The following ARHGEF28 variants were observed in gnomAD, a reference collection of about 807,000 sequenced individuals.
ARHGEF28 encodes 190 kDa guanine nucleotide exchange factor.
A neutral mutation model predicts 206.6 loss-of-function variants in ARHGEF28; 152 were observed. The ratio of observed to expected loss-of-function variants is 0.74; its 90% CI spans 0.64 to 0.84. ARHGEF28 has a LOEUF of 0.84. Ranked by LOEUF, ARHGEF28 falls within the 40% of genes least tolerant of loss-of-function variation. The pLI is 0.00. For synonymous variants in ARHGEF28, 763 were observed against 776.4 expected (o/e 0.98, Z 0.29); for missense variants, 2,028 against 2,073.2 (o/e 0.98, Z 0.42).
intron 2 of ARHGEF28, among the ~76,000 whole-genome samples, chr5:73,696,985 AG>A (rs1218180677): frequency 6.6e-6 from 1 of 152,230 alleles, no homozygotes; most frequent in Non-Finnish European, 1.5e-5. Context: ...TCCAGCAGGA[AG>A]GTGCTGTCAT....
At chr5:73,821,822 C>T (rs909480352) in intron 9 of ARHGEF28, among the ~76,000 whole-genome samples, 1 of 151,936 alleles carries the variant, frequency 6.6e-6, no homozygotes, top group Non-Finnish European at 1.5e-5. Context: ...TGAATATCTG[C>T]TTGATTGCTT....
chr5:73,919,449 C>T (rs1763397260), intron 35 of ARHGEF28, among the ~76,000 whole-genome samples: 1 of 152,198 alleles, frequency 6.6e-6, no homozygotes, highest in African/African-American at 2.4e-5. Context: ...TCTACTGGAA[C>T]AAGTTACGTA....
In ARHGEF28 at chr5:73,660,423, C is replaced by T. The variant is rs1171003356; in HGVS notation, c.-11-24418C>T. On this transcript the variant is annotated intron_variant, in intron 1 of 35. Transcript: ENST00000513042. ...CTCAAACCCTCATCCACGTCATCCA[C>T]GAGGGTTGGAATCAACTTCTTTCAA... Among the ~76,000 whole-genome samples the T allele has an allele frequency of 5.9e-5, 9 of 152,166 alleles. No homozygotes were observed. The South Asian group carries it at 6.2e-4, about 11-fold the overall frequency.
At chr5:73,868,703 G>A (rs1374044792) in intron 20 of ARHGEF28, among the ~76,000 whole-genome samples, 2 of 152,132 alleles carry the variant, frequency 1.3e-5, no homozygotes, top group African/African-American at 2.4e-5. Flanking sequence ...CTGGAGTGCA[G>A]TGGTATGATC....
chr5:73,791,442 T>A (rs1348314689), intron 7 of ARHGEF28, among the ~76,000 whole-genome samples: 1 of 152,216 alleles, frequency 6.6e-6, no homozygotes, highest in Non-Finnish European at 1.5e-5. Flanking sequence ...CCTGTAGATG[T>A]AAGCCAGTGG....
intron 4 of ARHGEF28, among the ~76,000 whole-genome samples, chr5:73,772,616 T>G (rs1464428161): frequency 6.6e-6 from 1 of 152,182 alleles, no homozygotes; most frequent in Non-Finnish European, 1.5e-5. Flanking sequence ...TGGGCTCAAG[T>G]GATCCTCCCG....
chr5:73,659,806 C>A (rs942010268), intron 1 of ARHGEF28, among the ~76,000 whole-genome samples: 25 of 152,042 alleles, frequency 1.6e-4, no homozygotes, highest in Non-Finnish European at 3.2e-4. Flanking sequence ...ATTAGGAATA[C>A]AATAGCACTA....
intron 4 of ARHGEF28, among the ~76,000 whole-genome samples, chr5:73,754,383 C>T (rs1317396560): frequency 1.3e-5 from 2 of 152,046 alleles, no homozygotes; most frequent in African/African-American, 4.8e-5. Context: ...AGTCCAGCAC[C>T]GAGCCATGCC....
intron 34 of ARHGEF28, 137 bp from the exon 35 acceptor site, chr5:73,911,134 GGGGA>G: frequency 3.6e-6 from 3 of 827,464 alleles, no homozygotes. Context: ...GTATGGGAGA[GGGGA>G]GGGAGAAAAG....
At chr5:73,714,965 A>G (rs924894346) in intron 2 of ARHGEF28, among the ~76,000 whole-genome samples, 2 of 152,084 alleles carry the variant, frequency 1.3e-5, no homozygotes, top group African/African-American at 4.8e-5. Context: ...TTAACTTAGG[A>G]AAAAAAAGGT....
intron 2 of ARHGEF28, among the ~76,000 whole-genome samples, chr5:73,719,836 G>A (rs994911104): frequency 6.6e-6 from 1 of 152,248 alleles, no homozygotes; most frequent in African/African-American, 2.4e-5. Flanking sequence ...GCAAGCCCTC[G>A]GTTGTGCCAC....
chr5:73,796,805 T>C (rs1321100758), intron 9 of ARHGEF28, among the ~76,000 whole-genome samples: 1 of 152,174 alleles, frequency 6.6e-6, no homozygotes, highest in East Asian at 1.9e-4. Flanking sequence ...CAAACATCTC[T>C]GTATAGATGG....
At chr5:73,842,801 G>A (rs898334362) in intron 11 of ARHGEF28, among the ~76,000 whole-genome samples, 2 of 151,992 alleles carry the variant, frequency 1.3e-5, no homozygotes, top group African/African-American at 4.8e-5. Flanking sequence ...CGGCCAACAC[G>A]GTGAAACTCC....
At chr5:73,851,148 G>A (rs930929610) in intron 13 of ARHGEF28, among the ~76,000 whole-genome samples, 4 of 152,074 alleles carry the variant, frequency 2.6e-5, no homozygotes, top group South Asian at 2.1e-4. Context: ...TTGTTTAGTC[G>A]GCTTGGATTA....
chr5:73,769,414 A>G (rs908193818), intron 4 of ARHGEF28, among the ~76,000 whole-genome samples: 2 of 152,216 alleles, frequency 1.3e-5, no homozygotes, highest in African/African-American at 4.8e-5. Context: ...TGCCTAAGTA[A>G]TAATTTTAAC....
chr5:73,655,150 T>C (rs1745102869), intron 1 of ARHGEF28, among the ~76,000 whole-genome samples: 1 of 152,246 alleles, frequency 6.6e-6, no homozygotes, highest in Middle Eastern at 3.2e-3. Flanking sequence ...GCTCTTTTCA[T>C]GGACAGCTTT....
chr5:73,765,403 C>T (rs1380076664), intron 4 of ARHGEF28, among the ~76,000 whole-genome samples: 4 of 152,170 alleles, frequency 2.6e-5, no homozygotes, highest in Admixed American at 6.5e-5. Context: ...TGGACAGTAA[C>T]GGTGAGCCAC....
At chr5:73,716,327 G>A (rs1314559767) in intron 2 of ARHGEF28, among the ~76,000 whole-genome samples, 1 of 152,182 alleles carries the variant, frequency 6.6e-6, no homozygotes, top group Non-Finnish European at 1.5e-5. Flanking sequence ...CCTGTTTGGA[G>A]ACATTCTATT....
At chr5:73,867,223 G>A (rs1262750964) in intron 18 of ARHGEF28, among the ~76,000 whole-genome samples, 1 of 152,172 alleles carries the variant, frequency 6.6e-6, no homozygotes, top group Non-Finnish European at 1.5e-5. Context: ...GCTTGAGAAT[G>A]TATATGCTAC....
Sources: allele counts gnomAD v4.1 joint callset (sites outside exome capture counted in the v4.1 genomes callset), GRCh38; gene constraint gnomAD v4.1.1; transcripts MANE v1.5; gene names NCBI Gene and HGNC (gene_info 2026-07-23, HGNC 2026-07-21).